AK9: variants seen among roughly 807,000 people sequenced by gnomAD.
AK9 encodes adenylate kinase domain containing 1.
Under a neutral mutation model 239.6 loss-of-function variants are expected in AK9, and 191 were observed. That is an observed-to-expected ratio of 0.80 (90% confidence interval 0.71 to 0.90). AK9 has a LOEUF of 0.90. AK9 is among the 40% of genes least tolerant of loss of function. AK9 has a pLI of 0.00. For synonymous variants in AK9, 689 were observed against 721.0 expected (o/e 0.96, Z 0.71); for missense variants, 1,995 against 2,214.7 (o/e 0.90, Z 1.99).
intron 17 of AK9, among the ~76,000 whole-genome samples, chr6:109,603,352 G>A: frequency 6.6e-6 from 1 of 152,182 alleles, no homozygotes; most frequent in South Asian, 2.1e-4. Context: ...GACCCTGTTT[G>A]CCTAGGTATC....
chr6:109,578,425 A>G (rs1052613845), intron 20 of AK9, among the ~76,000 whole-genome samples: 4 of 152,028 alleles, frequency 2.6e-5, no homozygotes, highest in African/African-American at 7.2e-5. Context: ...TTTTTGGTTA[A>G]TCTCACTAAT....
intron 17 of AK9, among the ~76,000 whole-genome samples, chr6:109,587,257 T>C (rs529976725): frequency 4.5e-4 from 69 of 152,340 alleles, no homozygotes; most frequent in Non-Finnish European, 8.8e-4. Context: ...AAATTTGAAA[T>C]TGTATTTTTG....
intron 5 of AK9, among the ~76,000 whole-genome samples, chr6:109,667,672 G>A (rs1025446506): frequency 2.0e-5 from 3 of 151,918 alleles, no homozygotes; most frequent in South Asian, 2.1e-4. Context: ...TTGTCCTTGC[G>A]ATAGTTTGCT....
At chr6:109,669,014 C>T (rs59305507) in intron 5 of AK9, among the ~76,000 whole-genome samples, 1 of 146,808 alleles carries the variant, frequency 6.8e-6, no homozygotes, top group Non-Finnish European at 1.5e-5. Context: ...GACATTGATT[C>T]TTCCTATCCA....
chr6:109,600,858 A>G (rs1791847063), intron 17 of AK9, among the ~76,000 whole-genome samples: 1 of 152,064 alleles, frequency 6.6e-6, no homozygotes, highest in African/African-American at 2.4e-5. Context: ...TTTCTAGTTT[A>G]TTTGCGTGGA....
rs1306343257 is a variant in AK9 at position 109,550,087 on chromosome 6, C to T, written c.2964+3G>A. The T allele has an allele frequency of 6.2e-7, 1 of 1,613,212 alleles. No individual in the cohort carries two copies. Among genetic ancestry groups the T allele is most frequent in the Non-Finnish European group, 8.5e-7 (1 of 1,179,782 alleles). On this transcript the variant is annotated splice_donor_region_variant and intron_variant, in intron 25 of 40. Coordinates refer to ENST00000424296, the MANE Select transcript of AK9 (RefSeq NM_001145128.3). Reference sequence around the variant, plus strand: ...AATCATTAAGATAGGAATACTGTCTCACCTTCAATGGTTCTTCATGAGCCA... The same window carrying T: ...AATCATTAAGATAGGAATACTGTCTTACCTTCAATGGTTCTTCATGAGCCA...
chr6:109,611,042 G>C (rs1234338797), intron 16 of AK9, among the ~76,000 whole-genome samples: 1 of 152,080 alleles, frequency 6.6e-6, no homozygotes, highest in African/African-American at 2.4e-5. Flanking sequence ...TTGGCTCTCA[G>C]GCTGCATCAT....
Position 109,640,601 on chromosome 6 carries a change from T to C in AK9, c.933+917A>G, listed in dbSNP as rs190504858. 2.6e-5 allele frequency among the ~76,000 whole-genome samples: 4 copies of C among 151,636 alleles called. No individual in the cohort carries two copies. The East Asian group carries it at 7.8e-4, about 30-fold the overall frequency. ...AATTTTTTTTTTTTTTTATTTTTTGTAGGGCCAGAGTCTCGCTATGTCCCA... is the reference window on the plus strand; with the variant it reads ...AATTTTTTTTTTTTTTTATTTTTTGCAGGGCCAGAGTCTCGCTATGTCCCA... On this transcript the variant is annotated intron_variant, in intron 10 of 40. Coordinates refer to ENST00000424296, the MANE Select transcript of AK9 (RefSeq NM_001145128.3).
intron 1 of AK9, 97 bp downstream of exon 1, chr6:109,691,050 C>A: frequency 3.3e-6 from 1 of 298,610 alleles, no homozygotes; most frequent in Admixed American, 4.3e-5. Flanking sequence ...CTACCCAATC[C>A]CAAACCTTCC....
intron 33 of AK9, among the ~76,000 whole-genome samples, chr6:109,508,224 G>A (rs1440507199): frequency 6.6e-6 from 1 of 152,220 alleles, no homozygotes; most frequent in Non-Finnish European, 1.5e-5. Context: ...GTATGAGGGT[G>A]CAATTGTTGT....
At chr6:109,687,378 G>A (rs1397221012) in intron 1 of AK9, among the ~76,000 whole-genome samples, 3 of 152,184 alleles carry the variant, frequency 2.0e-5, no homozygotes, top group African/African-American at 7.2e-5. Flanking sequence ...CTTTGAGTGG[G>A]AGTGGGGTCT....
At chr6:109,668,614 A>C (rs1346443875) in intron 5 of AK9, among the ~76,000 whole-genome samples, 1 of 122,610 alleles carries the variant, frequency 8.2e-6, no homozygotes, top group Non-Finnish European at 1.8e-5. Flanking sequence ...CTTTCTACAT[A>C]TGGCTAGCCA....
In AK9 at chr6:109,493,898, A is replaced by G. The variant is rs1039042585; in HGVS notation, c.5533+83T>C. 3.8e-6 allele frequency: 4 copies of G among 1,040,986 alleles called. No homozygotes were observed. In the Admixed American group the frequency reaches 9.0e-5, roughly 23 times the overall value. The allele number at this position is 1,040,986 out of a possible 1,614,324, so 64.5% of individuals were successfully genotyped here. A position where few individuals can be genotyped will look rare whatever the true frequency, so the allele number is the denominator to read the frequency against. ...CTTTCTCTCTCACCAAGCAGGCAACACAGTTTAACAATCCTATTCATCACT... is the reference window on the plus strand; with the variant it reads ...CTTTCTCTCTCACCAAGCAGGCAACGCAGTTTAACAATCCTATTCATCACT... On this transcript the variant is annotated intron_variant, in intron 40 of 40. Transcript: ENST00000424296.
At chr6:109,531,349 T>C (rs183683703) in intron 28 of AK9, among the ~76,000 whole-genome samples, 1 of 151,992 alleles carries the variant, frequency 6.6e-6, no homozygotes, top group African/African-American at 2.4e-5. Context: ...GATAGAGTTA[T>C]TGGGTGAGGA....
At chr6:109,510,289 G>A (rs892759719) in intron 32 of AK9, among the ~76,000 whole-genome samples, 1 of 152,258 alleles carries the variant, frequency 6.6e-6, no homozygotes, top group South Asian at 2.1e-4. Context: ...GAAGAGGGCA[G>A]AGAGATAACA....
chr6:109,632,755 C>A, intron 12 of AK9, 168 bp downstream of exon 12: 1 of 1,342,724 alleles, frequency 7.4e-7, no homozygotes. Flanking sequence ...GCCTACCCTA[C>A]CCCAAGCCCA....
intron 23 of AK9, 44 bp downstream of exon 23, chr6:109,564,036 T>C (rs898732383): frequency 1.7e-5 from 26 of 1,498,838 alleles, no homozygotes; most frequent in Non-Finnish European, 2.2e-5. Context: ...CTTCTAATAC[T>C]ATCACCTGCT....
chr6:109,669,003 C>T (rs1355343178), intron 5 of AK9, among the ~76,000 whole-genome samples: 3 of 145,288 alleles, frequency 2.1e-5, no homozygotes, highest in Non-Finnish European at 3.0e-5. Flanking sequence ...GCCATTTTCA[C>T]GACATTGATT....
chr6:109,632,651 G>T, intron 12 of AK9: 1 of 649,698 alleles, frequency 1.5e-6, no homozygotes, highest in Non-Finnish European at 2.1e-6. Context: ...CTAATAGGTG[G>T]CAGAGTCTGA....
Sources: allele counts gnomAD v4.1 joint callset (sites outside exome capture counted in the v4.1 genomes callset), GRCh38; gene constraint gnomAD v4.1.1; transcripts MANE v1.5; gene names NCBI Gene and HGNC (gene_info 2026-07-23, HGNC 2026-07-21).